CLSTN2: variants seen among roughly 807,000 people sequenced by gnomAD.
The protein encoded by CLSTN2 is calsyntenin-2.
Under a neutral mutation model 101.2 loss-of-function variants are expected in CLSTN2, and 48 were observed. The ratio of observed to expected loss-of-function variants is 0.47; its 90% confidence interval spans 0.38 to 0.60. The LOEUF (loss-of-function observed/expected upper bound fraction) is 0.60. Ranked by LOEUF, CLSTN2 falls within the 20% of genes least tolerant of loss-of-function variation. The pLI, the probability that CLSTN2 is intolerant of heterozygous loss-of-function variation, is 0.00. For synonymous variants in CLSTN2, 481 were observed against 463.6 expected (o/e 1.04, Z -0.48); for missense variants, 1,160 against 1,238.2 (o/e 0.94, Z 0.95).
chr3:140,239,291 G>A (rs988976552), intron 2 of CLSTN2, among the ~76,000 whole-genome samples: 5 of 152,004 alleles, frequency 3.3e-5, no homozygotes, highest in African/African-American at 4.8e-5. Flanking sequence ...ATACATACAC[G>A]TATGATTACA....
chr3:140,374,535 C>T (rs1465100782), intron 2 of CLSTN2, among the ~76,000 whole-genome samples: 1 of 152,032 alleles, frequency 6.6e-6, no homozygotes. Flanking sequence ...TAATAAATTT[C>T]CTGTATAATT....
At chr3:139,948,599 T>C (rs1345934922) in intron 1 of CLSTN2, among the ~76,000 whole-genome samples, 4 of 152,188 alleles carry the variant, frequency 2.6e-5, no homozygotes, top group African/African-American at 9.6e-5. Flanking sequence ...GGCCATTTGA[T>C]TGGAAGTGTG....
At chr3:140,313,804 G>A (rs189633742) in intron 2 of CLSTN2, among the ~76,000 whole-genome samples, 242 of 152,304 alleles carry the variant, frequency 1.6e-3, no homozygotes, top group African/African-American at 4.8e-3. Context: ...CATAGCAAAT[G>A]CACAGGCAAA....
chr3:140,466,631 C>G lies in CLSTN2; in HGVS notation c.1244C>G (p.Ala415Gly), dbSNP rs985724729. 1 of 1,614,154 alleles carries G rather than the reference C, an allele frequency of 6.2e-7. No homozygotes were observed. Among genetic ancestry groups the G allele is most frequent in the South Asian group, 1.1e-5 (1 of 91,080 alleles). The change falls in exon 8 of 17, where the codon GCC (alanine) becomes GGC (glycine). Residue 415 changes from alanine (A) to glycine (G), a missense_variant. Physicochemically the swap from Ala to Gly is moderately conservative, Grantham distance 60. Transcript: ENST00000458420. ...TCAGAAATGAACCGGCATCACTATG[C>G]CCTGTATGTGCACAACTGCCGCCTC... ...DKTEMNRHHY[A>G]LYVHNCRLVF... is the part of the protein sequence containing the mutation.
At chr3:140,551,814 T>C (rs1318820213) in intron 10 of CLSTN2, among the ~76,000 whole-genome samples, 2 of 139,190 alleles carry the variant, frequency 1.4e-5, no homozygotes, top group Admixed American at 7.2e-5. Flanking sequence ...TACATATAAA[T>C]ATATATTATA....
At chr3:140,322,242 G>A (rs142703684) in intron 2 of CLSTN2, among the ~76,000 whole-genome samples, 5 of 152,306 alleles carry the variant, frequency 3.3e-5, no homozygotes, top group South Asian at 4.1e-4. Context: ...TGGCAGCAAC[G>A]GACCAACCTG....
intron 1 of CLSTN2, among the ~76,000 whole-genome samples, chr3:139,967,013 A>G (rs182713152): frequency 2.9e-4 from 44 of 152,262 alleles, no homozygotes; most frequent in African/African-American, 9.9e-4. Flanking sequence ...CACGTGAGTA[A>G]ATGTGTTGGA....
intron 1 of CLSTN2, among the ~76,000 whole-genome samples, chr3:140,092,047 C>A (rs977423059): frequency 6.6e-6 from 1 of 152,120 alleles, no homozygotes. Context: ...CCTACCAGCC[C>A]GTTGGATCAG....
chr3:140,446,890 C>T (rs772615402), intron 5 of CLSTN2, among the ~76,000 whole-genome samples: 1 of 152,176 alleles, frequency 6.6e-6, no homozygotes, highest in Non-Finnish European at 1.5e-5. Flanking sequence ...CAGGCTTATT[C>T]ATCACCTGCC....
intron 8 of CLSTN2, among the ~76,000 whole-genome samples, chr3:140,480,878 T>C (rs891007515): frequency 8.5e-4 from 130 of 152,340 alleles, no homozygotes; most frequent in Non-Finnish European, 1.3e-3. Flanking sequence ...TGCAAAAATT[T>C]TCTCCCATTC....
intron 1 of CLSTN2, among the ~76,000 whole-genome samples, chr3:140,065,336 TCA>T (rs1390867678): frequency 6.6e-6 from 1 of 152,224 alleles, no homozygotes; most frequent in Non-Finnish European, 1.5e-5. Context: ...CGTTTCACCT[TCA>T]CAGTCATCTA....
At chr3:140,180,248 G>C (rs1313253322) in intron 2 of CLSTN2, among the ~76,000 whole-genome samples, 1 of 152,204 alleles carries the variant, frequency 6.6e-6, no homozygotes. Context: ...CAGAATCCCA[G>C]AACAGGCTAG....
intron 1 of CLSTN2, among the ~76,000 whole-genome samples, chr3:140,022,959 C>A (rs1055403899): frequency 6.6e-6 from 1 of 152,160 alleles, no homozygotes; most frequent in Non-Finnish European, 1.5e-5. Context: ...TCTAATATAG[C>A]AAAGGTGCTG....
rs370773102 is a variant in CLSTN2, at chr3:140,278,312, C to T, written c.232+102239C>T. On this transcript the variant is annotated intron_variant, in intron 2 of 16. Coordinates refer to ENST00000458420, the MANE Select transcript of CLSTN2 (RefSeq NM_022131.3). ...ACACAGGGCCCCGCCTCTTTTCTAC[C>T]CTTCTTTCCCAGTGCTTTTTGCTAT... Among the ~76,000 whole-genome samples, 593 of 150,938 alleles carry T rather than the reference C, an allele frequency of 3.9e-3. 5 individuals are homozygous for T. The highest frequency in any genetic ancestry group is 6.5e-3 in the Non-Finnish European group (438 of 67,838).
intron 2 of CLSTN2, among the ~76,000 whole-genome samples, chr3:140,206,064 A>G (rs62266217): frequency 0.3 from 45,540 of 152,138 alleles, 8,043 homozygotes; most frequent in Non-Finnish European, 0.41. Context: ...AGAAAGGAAA[A>G]TCATTCACAA....
chr3:140,528,262 T>C (rs1935183646), intron 8 of CLSTN2, among the ~76,000 whole-genome samples: 1 of 152,122 alleles, frequency 6.6e-6, no homozygotes, highest in Non-Finnish European at 1.5e-5. Flanking sequence ...TATCACCCGC[T>C]TCTCCCACCT....
At chr3:140,251,384 T>C (rs575682448) in intron 2 of CLSTN2, among the ~76,000 whole-genome samples, 2 of 152,332 alleles carry the variant, frequency 1.3e-5, no homozygotes, top group East Asian at 3.9e-4. Context: ...TATACATTGG[T>C]AATTTGCCTA....
At chr3:140,503,698 T>G (rs1410866238) in intron 8 of CLSTN2, among the ~76,000 whole-genome samples, 2 of 152,242 alleles carry the variant, frequency 1.3e-5, no homozygotes, top group African/African-American at 2.4e-5. Context: ...TCCAGGATGT[T>G]GTTAGAAATT....
intron 2 of CLSTN2, among the ~76,000 whole-genome samples, chr3:140,344,289 C>T (rs543250083): frequency 2.0e-5 from 3 of 152,286 alleles, no homozygotes; most frequent in Non-Finnish European, 4.4e-5. Context: ...AGACATGATG[C>T]TGTCATGGCA....
Sources: allele counts gnomAD v4.1 joint callset (sites outside exome capture counted in the v4.1 genomes callset), GRCh38; gene constraint gnomAD v4.1.1; transcripts MANE v1.5; gene names NCBI Gene and HGNC (gene_info 2026-07-23, HGNC 2026-07-21).